DLG1: variants seen among roughly 807,000 people sequenced by gnomAD.
The protein encoded by DLG1 is disks large homolog 1.
Under a neutral mutation model 123.4 loss-of-function variants are expected in DLG1, and 42 were observed. That is an observed-to-expected ratio of 0.34 (90% confidence interval 0.27 to 0.44). The LOEUF is 0.44. Among genes scored for constraint, DLG1 ranks in the 20% least tolerant of loss-of-function variants. DLG1 has a pLI of 1.00. For synonymous variants in DLG1, 317 were observed against 356.2 expected (o/e 0.89, Z 1.24); for missense variants, 942 against 1,082.6 (o/e 0.87, Z 1.82).
chr3:197,156,249 T>C (rs1796363897), intron 5 of DLG1, among the ~76,000 whole-genome samples: 1 of 152,228 alleles, frequency 6.6e-6, no homozygotes, highest in African/African-American at 2.4e-5. Context: ...AGATTAGAAG[T>C]GTCTAGGATG....
At chr3:197,289,267 C>T (rs538035816) in intron 3 of DLG1, among the ~76,000 whole-genome samples, 4 of 152,212 alleles carry the variant, frequency 2.6e-5, no homozygotes, top group African/African-American at 9.6e-5. Context: ...TCAATTCTCA[C>T]AAGGGAAATA....
chr3:197,273,799 A>G (rs1765001756), intron 4 of DLG1, among the ~76,000 whole-genome samples: 1 of 141,434 alleles, frequency 7.1e-6, no homozygotes, highest in African/African-American at 2.6e-5. Flanking sequence ...GACCAACACC[A>G]AACAATCCAA....
chr3:197,279,293 T>C (rs1015352010), intron 4 of DLG1, among the ~76,000 whole-genome samples: 1 of 152,230 alleles, frequency 6.6e-6, no homozygotes, highest in Non-Finnish European at 1.5e-5. Context: ...TCAGTGTGTT[T>C]CAAAACTATT....
intron 22 of DLG1, among the ~76,000 whole-genome samples, chr3:197,063,540 T>C (rs1560412114): frequency 6.6e-6 from 1 of 152,228 alleles, no homozygotes; most frequent in Non-Finnish European, 1.5e-5. Context: ...CTTTTGCATG[T>C]TGTGTATCAG....
intron 4 of DLG1, among the ~76,000 whole-genome samples, chr3:197,247,474 T>C (rs1325574621): frequency 1.3e-5 from 2 of 152,066 alleles, no homozygotes; most frequent in Non-Finnish European, 2.9e-5. Flanking sequence ...CCTATACCTT[T>C]AGGGGGTAAA....
chr3:197,284,742 G>A (rs1770995697), intron 3 of DLG1, among the ~76,000 whole-genome samples: 1 of 152,146 alleles, frequency 6.6e-6, no homozygotes, highest in Non-Finnish European at 1.5e-5. Flanking sequence ...ACTAAAATAT[G>A]TATTAGGAAA....
chr3:197,138,132 TA>T, intron 9 of DLG1, 89 bp downstream of exon 9: 1 of 700,828 alleles, frequency 1.4e-6, no homozygotes, highest in East Asian at 3.0e-5. Flanking sequence ...ACTAATACTG[TA>T]CTTGGAATGT....
At chr3:197,085,205 G>A in intron 16 of DLG1, 1 of 183,746 alleles carries the variant, frequency 5.4e-6, no homozygotes, top group East Asian at 1.6e-4. Flanking sequence ...ACCTCACCTG[G>A]TTGCCTTTTT....
intron 8 of DLG1, 98 bp downstream of exon 8, chr3:197,140,042 T>C: frequency 7.4e-7 from 1 of 1,352,764 alleles, no homozygotes; most frequent in Non-Finnish European, 1.0e-6. Flanking sequence ...CTAGTTATCA[T>C]GATCGTGTTT....
chr3:197,159,345 TAA>T (rs934709503), intron 5 of DLG1, among the ~76,000 whole-genome samples: 3 of 152,208 alleles, frequency 2.0e-5, no homozygotes, highest in Non-Finnish European at 4.4e-5. Context: ...ATATACTTTT[TAA>T]AAAGTTTTCA....
At chr3:197,275,439 C>T (rs576775311) in intron 4 of DLG1, among the ~76,000 whole-genome samples, 85 of 152,336 alleles carry the variant, frequency 5.6e-4, no homozygotes, top group African/African-American at 1.9e-3. Context: ...GAGAGATCTA[C>T]ATGCCCATGT....
At chr3:197,293,622 C>T (rs1230383429) in intron 3 of DLG1, among the ~76,000 whole-genome samples, 3 of 64,120 alleles carry the variant, frequency 4.7e-5, no homozygotes, top group Non-Finnish European at 1.0e-4. Flanking sequence ...CACCAAACCC[C>T]TAGAGACTCA....
intron 4 of DLG1, among the ~76,000 whole-genome samples, chr3:197,272,960 T>A (rs1764546176): frequency 6.6e-6 from 1 of 152,096 alleles, no homozygotes. Flanking sequence ...ATTCAGTGAT[T>A]TTTGATATTT....
In DLG1 at chr3:197,234,025, C is replaced by T. The variant is rs565679108; in HGVS notation, c.319-39436G>A. Reference sequence around the variant, plus strand: ...ATCTTAGGTGGAAGTCCCCAAAAAACGAAATAGATGAACACAAAGAGGCTG... The same window carrying T: ...ATCTTAGGTGGAAGTCCCCAAAAAATGAAATAGATGAACACAAAGAGGCTG... On this transcript the variant is annotated intron_variant, in intron 4 of 24. Coordinates refer to ENST00000667157, the MANE Select transcript of DLG1 (RefSeq NM_001366207.1). Among the ~76,000 whole-genome samples the T allele has an allele frequency of 7.2e-5, 11 of 152,286 alleles. No homozygotes were observed. In the South Asian group the frequency reaches 2.1e-3, roughly 29 times the overall value.
chr3:197,187,234 C>T (rs1289633990), intron 5 of DLG1, among the ~76,000 whole-genome samples: 1 of 152,132 alleles, frequency 6.6e-6, no homozygotes, highest in African/African-American at 2.4e-5. Flanking sequence ...AAAATTCAAT[C>T]ATGTTTCTAT....
At chr3:197,221,053 C>A (rs990194523) in intron 4 of DLG1, among the ~76,000 whole-genome samples, 1 of 152,162 alleles carries the variant, frequency 6.6e-6, no homozygotes, top group Non-Finnish European at 1.5e-5. Context: ...ATAAGAATAT[C>A]TTAAGTTACC....
intron 4 of DLG1, among the ~76,000 whole-genome samples, chr3:197,248,922 G>A (rs969496786): frequency 6.6e-6 from 1 of 152,116 alleles, no homozygotes; most frequent in Non-Finnish European, 1.5e-5. Context: ...TTCAAGACAA[G>A]AGTGAGGTAT....
intron 4 of DLG1, chr3:197,225,767 T>C (rs1455464548): frequency 6.6e-6 from 1 of 152,632 alleles, no homozygotes; most frequent in African/African-American, 2.4e-5. Flanking sequence ...TTAAAGTCAA[T>C]CAAACCATCT....
chr3:197,057,212 T>C (rs190857867), intron 23 of DLG1, among the ~76,000 whole-genome samples: 2 of 152,224 alleles, frequency 1.3e-5, no homozygotes, highest in East Asian at 3.9e-4. Flanking sequence ...CCTAAGTAGC[T>C]GGGATTACAG....
Sources: gnomAD v4.1 joint callset for allele counts (sites outside exome capture counted in the v4.1 genomes callset) on GRCh38, gnomAD v4.1.1 for gene constraint, MANE v1.5 for transcripts, NCBI Gene and HGNC (gene_info 2026-07-23, HGNC 2026-07-21) for gene names.